DAB2IP: variants seen among roughly 807,000 people sequenced by gnomAD.
DAB2IP encodes the protein DAB2 interacting protein, also known as disabled homolog 2-interacting protein.
DAB2IP carries 28 observed loss-of-function variants against 107.2 expected under a neutral mutation model. The observed-to-expected ratio is 0.26, with a 90% CI of 0.19 to 0.36. The LOEUF (loss-of-function observed/expected upper bound fraction) is 0.36, where lower values mean the gene tolerates loss of function less well. Ranked by LOEUF, DAB2IP falls within the 10% of genes least tolerant of loss-of-function variation. The probability of loss-of-function intolerance (pLI) is 1.00; values close to 1 mark genes in which losing one functional copy is unlikely to be tolerated. For missense variants in DAB2IP, 1,400 were observed against 1,644.7 expected (o/e 0.85, Z 2.57); for synonymous variants, 755 against 706.4 (o/e 1.07, Z -1.09).
intron 2 of DAB2IP, among the ~76,000 whole-genome samples, chr9:121,683,245 T>C (rs1450610059): frequency 6.6e-6 from 1 of 152,168 alleles, no homozygotes; most frequent in Non-Finnish European, 1.5e-5. Flanking sequence ...TGCCACTCCA[T>C]GGCAGAGGAG....
At chr9:121,570,164 T>C (rs1422290095) in intron 1 of DAB2IP, among the ~76,000 whole-genome samples, 1 of 143,906 alleles carries the variant, frequency 6.9e-6, no homozygotes, top group Non-Finnish European at 1.5e-5. Context: ...CAGGCTGGAG[T>C]GCAGTGGTGC....
chr9:121,784,895 G>C (rs1386747035), exon 16 of DAB2IP: 1 of 152,528 alleles, frequency 6.6e-6, no homozygotes, highest in Non-Finnish European at 1.5e-5. Flanking sequence ...AGGCCACAGA[G>C]AACCTGAGTT....
intron 1 of DAB2IP, among the ~76,000 whole-genome samples, chr9:121,624,684 C>T (rs939438381): frequency 6.6e-6 from 1 of 152,224 alleles, no homozygotes; most frequent in Admixed American, 6.5e-5. Context: ...ACCATCTAGC[C>T]TAGGCGTGCA....
upstream of DAB2IP, among the ~76,000 whole-genome samples, chr9:121,648,249 A>C (rs953053408): frequency 3.3e-5 from 5 of 152,194 alleles, no homozygotes; most frequent in Middle Eastern, 3.4e-3. Flanking sequence ...TTCCCCAAAA[A>C]CCTATGGAAA....
intron 1 of DAB2IP, among the ~76,000 whole-genome samples, chr9:121,636,475 G>A (rs932040923): frequency 6.6e-6 from 1 of 152,220 alleles, no homozygotes; most frequent in Admixed American, 6.5e-5. Flanking sequence ...CTGGGTGGGA[G>A]GAGAGGCGGG....
chr9:121,738,697 G>T (rs2118884232), intron 3 of DAB2IP, among the ~76,000 whole-genome samples: 1 of 152,348 alleles, frequency 6.6e-6, no homozygotes, highest in South Asian at 2.1e-4. Flanking sequence ...CAGGGTTAGG[G>T]AGAGACGCCA....
Position 121,633,150 on chromosome 9 carries a change from A to G in DAB2IP, c.41-45528A>G, listed in dbSNP as rs947820347. 6.6e-6 allele frequency among the ~76,000 whole-genome samples: 1 copy of G among 152,208 alleles called. No individual in the cohort carries two copies. Among genetic ancestry groups the G allele is most frequent in the Non-Finnish European group, 1.5e-5 (1 of 68,036 alleles). ...ATAAATTGTTCTCAAATTGTGCACTATTAAACTCCTGAAAAATTCATGAGC... is the reference window on the plus strand; with the variant it reads ...ATAAATTGTTCTCAAATTGTGCACTGTTAAACTCCTGAAAAATTCATGAGC... On this transcript the variant is annotated intron_variant, in intron 1 of 16. Transcript: ENST00000259371. This position sits in a 1 kb window ranked among gnomAD's most constrained non-coding sequence, Gnocchi z 5.1.
At chr9:121,586,428 A>G (rs1220520888) in intron 1 of DAB2IP, among the ~76,000 whole-genome samples, 1 of 152,182 alleles carries the variant, frequency 6.6e-6, no homozygotes, top group Admixed American at 6.5e-5. Flanking sequence ...TGAGACGGAA[A>G]CGTAAGTGGC....
At chr9:121,779,382 G>A (rs950244263) in intron 14 of DAB2IP, among the ~76,000 whole-genome samples, 14 of 152,098 alleles carry the variant, frequency 9.2e-5, no homozygotes, top group South Asian at 4.2e-4. Context: ...TTTATTTTCC[G>A]CCTGCTTATG....
chr9:121,649,489 C>CCAT (rs2119054842), upstream of DAB2IP, among the ~76,000 whole-genome samples: 1 of 102,806 alleles, frequency 9.7e-6, no homozygotes, highest in Non-Finnish European at 2.5e-5. Context: ...GATTGTGAGC[C>CCAT]TCCCGTCCCC....
At chr9:121,688,258 C>A (rs143017150) in intron 2 of DAB2IP, among the ~76,000 whole-genome samples, 3 of 152,198 alleles carry the variant, frequency 2.0e-5, no homozygotes, top group African/African-American at 7.2e-5. Flanking sequence ...AGTTGTCAAG[C>A]GGCAATTGTT....
chr9:121,750,675 G>T (rs1047750438), intron 3 of DAB2IP, among the ~76,000 whole-genome samples: 1 of 152,142 alleles, frequency 6.6e-6, no homozygotes, highest in Non-Finnish European at 1.5e-5. Context: ...CCACCCAATA[G>T]TTGGGAACAC....
chr9:121,695,399 T>C (rs570161897), intron 2 of DAB2IP, among the ~76,000 whole-genome samples: 17 of 152,346 alleles, frequency 1.1e-4, no homozygotes, highest in Admixed American at 8.5e-4. Context: ...AGTTACTGTC[T>C]TTCTGGCGAC....
intron 1 of DAB2IP, among the ~76,000 whole-genome samples, chr9:121,621,554 C>T (rs1207088488): frequency 6.6e-6 from 1 of 152,124 alleles, no homozygotes; most frequent in Non-Finnish European, 1.5e-5. Context: ...ATTCACAAAG[C>T]CTGCAAGGGA....
At chr9:121,754,977 C>T (rs1833376480) in intron 3 of DAB2IP, among the ~76,000 whole-genome samples, 1 of 152,238 alleles carries the variant, frequency 6.6e-6, no homozygotes, top group Non-Finnish European at 1.5e-5. Context: ...CAGAAAGCAG[C>T]CCAATCCCAG....
At chr9:121,615,601 C>A (rs1474219817) in intron 1 of DAB2IP, among the ~76,000 whole-genome samples, 1 of 150,610 alleles carries the variant, frequency 6.6e-6, no homozygotes, top group African/African-American at 2.4e-5. Flanking sequence ...GACATGGTAG[C>A]CAAGGACCTG....
chr9:121,674,437 A>G lies in DAB2IP; in HGVS notation c.125-4241A>G, dbSNP rs74950784. On this transcript the variant is annotated intron_variant, in intron 1 of 15. Transcript: ENST00000408936. ...GGCCTTGCCCTGGGTGTGGGCTGGG[A>G]GACTGGAGAGGTCAGGGAGGAGAGC... is the stretch of plus-strand genomic sequence containing the variant. 2.0e-3 allele frequency among the ~76,000 whole-genome samples: 307 copies of G among 152,168 alleles called. 3 individuals are homozygous for G. The highest frequency in any genetic ancestry group is 7.2e-3 in the African/African-American group (299 of 41,496).
chr9:121,630,856 G>C (rs886591537), intron 1 of DAB2IP, among the ~76,000 whole-genome samples: 10 of 152,104 alleles, frequency 6.6e-5, no homozygotes, highest in African/African-American at 2.4e-4. Flanking sequence ...AATCCACTCG[G>C]CTTGGCCTCC....
chr9:121,573,148 C>T lies in DAB2IP; in HGVS notation c.40+5920C>T, dbSNP rs1217067846. Reference sequence around the variant, plus strand: ...CTGGAGTGCAATGGCGCAATCTCGGCTCACTCCAACCTCTGCCTCCTGGGT... The same window carrying T: ...CTGGAGTGCAATGGCGCAATCTCGGTTCACTCCAACCTCTGCCTCCTGGGT... On this transcript the variant is annotated intron_variant, in intron 1 of 16. Coordinates refer to the DAB2IP transcript ENST00000259371. Among the ~76,000 whole-genome samples, 4 of 152,144 alleles carry T rather than the reference C, an allele frequency of 2.6e-5. No individual in the cohort carries two copies. In the East Asian group the frequency reaches 7.7e-4, roughly 29 times the overall value.
Sources: allele counts gnomAD v4.1 joint callset (sites outside exome capture counted in the v4.1 genomes callset), GRCh38; gene constraint gnomAD v4.1.1; non-coding constraint Gnocchi (gnomAD v3.1); transcripts MANE v1.5; gene names NCBI Gene and HGNC (gene_info 2026-07-23, HGNC 2026-07-21).